CNGA3: variants seen among roughly 807,000 people sequenced by gnomAD.
CNGA3 encodes cyclic nucleotide gated channel subunit alpha 3, also known as cyclic nucleotide-gated channel alpha-3.
A neutral mutation model predicts 46.6 loss-of-function variants in CNGA3; 42 were observed. That is an observed-to-expected ratio of 0.90 (90% CI 0.70 to 1.17). CNGA3 has a LOEUF of 1.17. Ranked by LOEUF, CNGA3 falls within the 50% of genes most tolerant of loss-of-function variation. The pLI, the probability that CNGA3 is intolerant of heterozygous loss-of-function variation, is 0.00. For synonymous variants in CNGA3, 394 were observed against 369.4 expected (o/e 1.07, Z -0.76); for missense variants, 893 against 890.7 (o/e 1.00, Z -0.03).
chr2:98,370,586 C>A (rs1029518254), intron 2 of CNGA3, among the ~76,000 whole-genome samples: 1 of 152,182 alleles, frequency 6.6e-6, no homozygotes, highest in East Asian at 1.9e-4. Flanking sequence ...GTCAGCCAAG[C>A]CATCAACCCC....
rs183634390 is a variant in CNGA3 at position 98,377,306 on chromosome 2, G to A, written c.102-381G>A. On this transcript the variant is annotated intron_variant, in intron 2 of 7. Coordinates refer to ENST00000272602, the MANE Select transcript of CNGA3 (RefSeq NM_001298.3). ...AGCCTCAGAAGATGAAATTCAGTAG[G>A]CGAGAAGTGTTGGAACCAAAATCCT... 5 of 223,912 alleles carry A rather than the reference G, an allele frequency of 2.2e-5. No individual in the cohort carries two copies. In the East Asian group the frequency reaches 3.2e-4, roughly 14 times the overall value. 13.9% of individuals were successfully genotyped at this position (223,912 alleles called of 1,614,324 possible). A position where few individuals can be genotyped will look rare whatever the true frequency, so the allele number is the denominator to read the frequency against.
chr2:98,391,701 A>G (rs977996039), intron 6 of CNGA3, among the ~76,000 whole-genome samples, 163 bp from the exon 7 acceptor site: 1 of 152,132 alleles, frequency 6.6e-6, no homozygotes, highest in Non-Finnish European at 1.5e-5. Flanking sequence ...GAGACATCTC[A>G]TCAGAAGCGG....
rs202045825 is a variant in CNGA3, at chr2:98,389,813, A to T, written c.566+39A>T. 1.6e-4 allele frequency: 255 copies of T among 1,555,708 alleles called. No individual in the cohort carries two copies. In the African/African-American group the frequency reaches 3.0e-3, roughly 19 times the overall value. ...GTGGAAGGTGCAGCGGAAAGGGGGA[A>T]ACCAGGGCACCAGGCCCAGGAGCCA... On this transcript the variant is annotated intron_variant, in intron 6 of 7. Transcript: ENST00000272602.
intron 1 of CNGA3, among the ~76,000 whole-genome samples, chr2:98,359,761 C>T (rs1198824403): frequency 6.6e-6 from 1 of 152,182 alleles, no homozygotes; most frequent in Admixed American, 6.5e-5. Context: ...CTCTGTCTCC[C>T]CCACCCCCCA....
At chr2:98,358,183 G>A (rs1558803716) in intron 1 of CNGA3, among the ~76,000 whole-genome samples, 1 of 152,234 alleles carries the variant, frequency 6.6e-6, no homozygotes, top group Non-Finnish European at 1.5e-5. Context: ...AACACATGCA[G>A]TGGTTGGGTA....
At position 98,396,429 on chromosome 2, in the gene CNGA3, T is replaced by C. The variant is rs1692915365; in HGVS notation, c.1259T>C (p.Ile420Thr). ...GAGTTCCAGGCCAAGATTGATTCCA[T>C]CAAGCAGTACATGCAGTTCCGCAAG... Reference protein sequence around the residue: ...RAEFQAKIDSIKQYMQFRKVT... With the variant: ...RAEFQAKIDSTKQYMQFRKVT... The change falls in exon 8 of 8, where the codon ATC (isoleucine) becomes ACC (threonine). Residue 420 changes from isoleucine to threonine, a missense_variant. By Grantham distance (89) the Ile-to-Thr change is moderately conservative. Coordinates refer to ENST00000272602, the MANE Select transcript of CNGA3 (RefSeq NM_001298.3). 1 of 1,613,952 alleles carries C rather than the reference T, an allele frequency of 6.2e-7. No homozygotes were observed. Among genetic ancestry groups the C allele is most frequent in the Non-Finnish European group, 8.5e-7 (1 of 1,180,034 alleles).
Position 98,397,012 on chromosome 2 carries a change from G to A in CNGA3, c.1842G>A (p.Glu614=), listed in dbSNP as rs1449266657. The change falls in exon 8 of 8, where the codon GAG becomes GAA. Residue 614 remains glutamate, a synonymous_variant. Transcript: ENST00000272602. ...TGATGAAAGACAACCTGATCGATGAGGAGCTGGCCAGGGCGGGCGCGGACC... is the reference window on the plus strand; with the variant it reads ...TGATGAAAGACAACCTGATCGATGAAGAGCTGGCCAGGGCGGGCGCGGACC... ...QILMKDNLID[E]ELARAGADPK... 5 of 1,614,066 alleles carry A rather than the reference G, an allele frequency of 3.1e-6. No individual in the cohort carries two copies. The South Asian group carries it at 5.5e-5, about 18-fold the overall frequency.
intron 5 of CNGA3, among the ~76,000 whole-genome samples, chr2:98,386,458 C>T (rs1692656858): frequency 6.6e-6 from 1 of 152,164 alleles, no homozygotes; most frequent in Admixed American, 6.5e-5. Context: ...GGGGAGTTCC[C>T]CTGCACAGAC....
intron 3 of CNGA3, chr2:98,378,143 TG>T: frequency 6.4e-7 from 1 of 1,550,690 alleles, no homozygotes; most frequent in Non-Finnish European, 8.7e-7. Context: ...GTGGACACAG[TG>T]GTGTGCTGAG....
chr2:98,374,041 G>T (rs1574372823), intron 2 of CNGA3, among the ~76,000 whole-genome samples: 1 of 152,364 alleles, frequency 6.6e-6, no homozygotes, highest in South Asian at 2.1e-4. Context: ...CAGGGCTTAA[G>T]AAGAGGAAAT....
chr2:98,352,208 G>A (rs772976661), intron 1 of CNGA3, among the ~76,000 whole-genome samples: 50 of 151,946 alleles, frequency 3.3e-4, no homozygotes, highest in African/African-American at 4.6e-4. Context: ...CTTTCCTATC[G>A]CCAAATAAGA....
In CNGA3 at chr2:98,377,728, CG is replaced by C; in HGVS notation, c.147del (p.Ile50SerfsTer123). ...GAGGAGACATCGTCAGTGCTGCAGC[CG>C]GGGATCGCCATGGAGACCAGAGGAC... is the stretch of plus-strand genomic sequence containing the variant. ...SSEETSSVLQ[P>X]GIAMETRGLA... On this transcript the variant is annotated frameshift_variant, in exon 3 of 8. Coordinates refer to ENST00000272602, the MANE Select transcript of CNGA3 (RefSeq NM_001298.3). LOFTEE classifies it high-confidence loss of function. The C allele has an allele frequency of 6.2e-7, 1 of 1,613,412 alleles. No individual in the cohort carries two copies. Among genetic ancestry groups the C allele is most frequent in the Non-Finnish European group, 8.5e-7 (1 of 1,180,000 alleles).
At chr2:98,387,641 C>T (rs1198715199) in intron 5 of CNGA3, among the ~76,000 whole-genome samples, 1 of 152,180 alleles carries the variant, frequency 6.6e-6, no homozygotes, top group African/African-American at 2.4e-5. Context: ...CTGCCTGAAC[C>T]GTCTCGCAGC....
At chr2:98,373,173 C>T (rs1003503723) in intron 2 of CNGA3, among the ~76,000 whole-genome samples, 4 of 152,152 alleles carry the variant, frequency 2.6e-5, no homozygotes, top group African/African-American at 9.7e-5. Flanking sequence ...CTTCCCAGCC[C>T]AGCCCAGCAT....
chr2:98,396,797 G>A lies in CNGA3; in HGVS notation c.1627G>A (p.Asp543Asn), dbSNP rs150759499. The A allele has an allele frequency of 2.1e-4, 342 of 1,614,206 alleles. 1 individual carries two copies. In the African/African-American group the frequency reaches 4.1e-3, roughly 19 times the overall value. Residue 543 changes from aspartate (D) to asparagine (N), a missense_variant, in exon 8 of 8, where the codon GAT (aspartate) becomes AAT (asparagine). This residue lies in a region of CNGA3 where 548 missense variants were observed against 570.8 expected (regional missense o/e 0.96). Coordinates refer to ENST00000272602, the MANE Select transcript of CNGA3 (RefSeq NM_001298.3). ...DGVTQFVVLS[D>N]GSYFGEISIL... is the part of the protein sequence containing the mutation. ...GGTCACCCAGTTCGTGGTCCTCAGC[G>A]ATGGCAGCTACTTCGGGGAGATCAG...
In CNGA3 at chr2:98,396,374, A is replaced by C. The variant is rs368567533; in HGVS notation, c.1204A>C (p.Met402Leu). 29 of 1,613,732 alleles carry C rather than the reference A, an allele frequency of 1.8e-5. No homozygotes were observed. In the South Asian group the frequency reaches 2.9e-4, roughly 16 times the overall value. Residue 402 changes from methionine (M) to leucine (L), a missense_variant, in exon 8 of 8, where the codon ATG (methionine) becomes CTG (leucine). By Grantham distance (15) the Met-to-Leu change is conservative (BLOSUM62 2). This residue lies in a region of CNGA3 where 548 missense variants were observed against 570.8 expected (regional missense o/e 0.96). Transcript: ENST00000272602. ...FATIVGNVGS[M>L]ISNMNASRAE... ...CACCATTGTGGGCAATGTGGGCTCC[A>C]TGATCTCGAATATGAATGCCTCACG...
At chr2:98,388,584 G>C (rs979805792) in intron 5 of CNGA3, among the ~76,000 whole-genome samples, 3 of 152,208 alleles carry the variant, frequency 2.0e-5, no homozygotes, top group Admixed American at 2.0e-4. Context: ...GAACTCAAGG[G>C]GGGCTTATAA....
intron 1 of CNGA3, chr2:98,356,008 T>A (rs1012744898): frequency 5.3e-5 from 8 of 152,282 alleles, no homozygotes; most frequent in Non-Finnish European, 7.3e-5. Context: ...GGAATGTCAG[T>A]GTGGTGCCCA....
chr2:98,381,244 C>T (rs1255133720), intron 4 of CNGA3, among the ~76,000 whole-genome samples: 1 of 152,122 alleles, frequency 6.6e-6, no homozygotes, highest in Non-Finnish European at 1.5e-5. Context: ...AAGCTGACCT[C>T]CCCTCGGCCT....
Sources: allele counts gnomAD v4.1 joint callset (sites outside exome capture counted in the v4.1 genomes callset), GRCh38; gene constraint gnomAD v4.1.1; regional missense constraint gnomAD v4.1.1; transcripts MANE v1.5; gene names NCBI Gene and HGNC (gene_info 2026-07-23, HGNC 2026-07-21).